SPRY3: variants seen among roughly 807,000 people sequenced by gnomAD.
SPRY3 encodes the protein protein sprouty homolog 3.
SPRY3 carries 15 observed loss-of-function variants against 20.2 expected under a neutral mutation model. That is an observed-to-expected ratio of 0.74 (90% CI 0.50 to 1.14). The LOEUF (loss-of-function observed/expected upper bound fraction) is 1.14, where lower values mean the gene tolerates loss of function less well. Among genes scored for constraint, SPRY3 ranks in the 50% most tolerant of loss-of-function variants. The pLI, the probability that SPRY3 is intolerant of heterozygous loss-of-function variation, is 0.00. For missense variants in SPRY3, 364 were observed against 363.9 expected (o/e 1.00, Z 0.00); for synonymous variants, 143 against 136.5 (o/e 1.05, Z -0.33).
intron 2 of SPRY3, among the ~76,000 whole-genome samples, chrX:155,748,752 A>C (rs1004429790): frequency 1.3e-5 from 2 of 151,894 alleles, no homozygotes; most frequent in African/African-American, 4.8e-5. Flanking sequence ...ATGAAGGGGA[A>C]ATACTGGCTT....
chrX:155,697,673 T>A (rs771909998), intron 2 of SPRY3, among the ~76,000 whole-genome samples: 2 of 108,648 alleles, frequency 1.8e-5, no homozygotes, highest in Admixed American at 2.0e-4. Flanking sequence ...TGTGTATAAA[T>A]TGGTTCTGTT....
At chrX:155,706,853 A>G (rs2090955243) in intron 2 of SPRY3, among the ~76,000 whole-genome samples, 1 of 151,130 alleles carries the variant, frequency 6.6e-6, no homozygotes, top group South Asian at 2.1e-4. Flanking sequence ...AAAATTTTCC[A>G]TAAAAGAACA....
chrX:155,707,428 T>G (rs1207547247), intron 2 of SPRY3, among the ~76,000 whole-genome samples: 1 of 151,310 alleles, frequency 6.6e-6, no homozygotes, highest in Non-Finnish European at 1.5e-5. Flanking sequence ...GTTTCATGTT[T>G]GCTTCAATAA....
At chrX:155,671,023 C>T (rs1396533569) in intron 2 of SPRY3, among the ~76,000 whole-genome samples, 1 of 111,634 alleles carries the variant, frequency 9.0e-6, no homozygotes, top group Non-Finnish European at 1.9e-5. Flanking sequence ...AATACATTTG[C>T]CATACAATGT....
exon 2 of SPRY3, chrX:155,782,399 CT>C (rs1211705572): frequency 1.2e-5 from 2 of 166,866 alleles, no homozygotes; most frequent in Non-Finnish European, 2.9e-5. Flanking sequence ...TTCTACCCCC[CT>C]AGGAGTCATA....
At chrX:155,647,464 AC>A (rs2067961595) in intron 1 of SPRY3, among the ~76,000 whole-genome samples, 1 of 105,990 alleles carries the variant, frequency 9.4e-6, no homozygotes, top group Non-Finnish European at 1.9e-5. Context: ...CCTTGCCCCC[AC>A]CCCCTGACAG....
intron 2 of SPRY3, among the ~76,000 whole-genome samples, chrX:155,673,902 A>C (rs181599733): frequency 1.8e-5 from 2 of 111,521 alleles, no homozygotes; most frequent in Non-Finnish European, 3.8e-5. Flanking sequence ...TGTCTTCTTT[A>C]CCATTTTTCT....
chrX:155,718,841 T>C (rs935311721), intron 2 of SPRY3, among the ~76,000 whole-genome samples: 1 of 152,056 alleles, frequency 6.6e-6, no homozygotes, highest in Admixed American at 6.6e-5. Flanking sequence ...TAGGAAAATA[T>C]TGACAGATAT....
exon 4 of SPRY3, chrX:155,774,924 A>T: frequency 1.5e-6 from 1 of 671,374 alleles, no homozygotes; most frequent in Admixed American, 3.0e-5. Context: ...TTCTCACAGT[A>T]TCTATCCCAC....
intron 2 of SPRY3, among the ~76,000 whole-genome samples, chrX:155,666,984 T>G (rs1557354383): frequency 1.8e-5 from 2 of 110,664 alleles, no homozygotes; most frequent in Non-Finnish European, 3.8e-5. Flanking sequence ...GATAGAGTGT[T>G]TTGTATAGCA....
chrX:155,621,240 A>G (rs903395197), intron 1 of SPRY3, among the ~76,000 whole-genome samples: 28 of 112,355 alleles, frequency 2.5e-4, no homozygotes, highest in Non-Finnish European at 4.7e-4. Context: ...CTTTTGTTTT[A>G]GCAGACATTC....
At chrX:155,756,767 G>A (rs1270348107) in intron 2 of SPRY3, among the ~76,000 whole-genome samples, 1 of 151,934 alleles carries the variant, frequency 6.6e-6, no homozygotes, top group African/African-American at 2.4e-5. Flanking sequence ...AAGACACAGA[G>A]ACTTACAGGT....
At chrX:155,666,955 G>A in intron 2 of SPRY3, among the ~76,000 whole-genome samples, 1 of 110,947 alleles carries the variant, frequency 9.0e-6, no homozygotes, top group East Asian at 2.8e-4. Context: ...CCAAGAGACT[G>A]TGGTGTACTA....
At chrX:155,645,487 G>A (rs1260611348) in intron 1 of SPRY3, among the ~76,000 whole-genome samples, 1 of 109,050 alleles carries the variant, frequency 9.2e-6, no homozygotes, top group Non-Finnish European at 1.9e-5. Context: ...CTCAAGTTCT[G>A]ACTACTGGGA....
chrX:155,743,886 A>C (rs2124575709), intron 2 of SPRY3, among the ~76,000 whole-genome samples: 1 of 152,294 alleles, frequency 6.6e-6, no homozygotes, highest in South Asian at 2.1e-4. Context: ...GAAGCTAGAC[A>C]TAAAAGGACA....
At chrX:155,767,746 G>GAGGAGGAGAAAGAGGAGT (rs1556229609) in intron 2 of SPRY3, 4 of 142,314 alleles carry the variant, frequency 2.8e-5, no homozygotes, top group African/African-American at 5.2e-5. Flanking sequence ...GAGAGAGGAG[G>GAGGAGGAGAAAGAGGAGT]AGGAGGAGAG....
chrX:155,699,492 C>T (rs1172740658), intron 2 of SPRY3, among the ~76,000 whole-genome samples: 1 of 111,250 alleles, frequency 9.0e-6, no homozygotes, highest in Admixed American at 9.6e-5. Flanking sequence ...TATCAGAAAG[C>T]GTTCTAGAAG....
At chrX:155,732,436 A>G (rs1361895143) in intron 2 of SPRY3, among the ~76,000 whole-genome samples, 1 of 152,040 alleles carries the variant, frequency 6.6e-6, no homozygotes, top group Non-Finnish European at 1.5e-5. Context: ...GAGAAATGCA[A>G]ATCAAAACTA....
At chrX:155,732,420 T>C (rs2091139338) in intron 2 of SPRY3, among the ~76,000 whole-genome samples, 1 of 151,986 alleles carries the variant, frequency 6.6e-6, no homozygotes, top group Non-Finnish European at 1.5e-5. Flanking sequence ...ACCTCAGTGA[T>C]CATTAGAGAA....
Sources: allele counts gnomAD v4.1 joint callset (sites outside exome capture counted in the v4.1 genomes callset), GRCh38; gene constraint gnomAD v4.1.1; transcripts MANE v1.5; gene names NCBI Gene and HGNC (gene_info 2026-07-23, HGNC 2026-07-21).